Variants in UBTD1 observed in about 807,000 individuals in gnomAD.
UBTD1 encodes ubiquitin domain-containing protein 1.
In UBTD1, 19 loss-of-function variants were observed where a neutral mutation model predicts 21.7. That is an observed-to-expected ratio of 0.87 (90% confidence interval 0.61 to 1.28). The LOEUF (loss-of-function observed/expected upper bound fraction) is 1.28. Among genes scored for constraint, UBTD1 ranks in the 50% most tolerant of loss-of-function variants. The pLI, the probability that UBTD1 is intolerant of heterozygous loss-of-function variation, is 0.00. For synonymous variants in UBTD1, 116 were observed against 135.1 expected (o/e 0.86, Z 0.98); for missense variants, 282 against 315.1 (o/e 0.89, Z 0.80).
intron 1 of UBTD1, among the ~76,000 whole-genome samples, chr10:97,514,960 C>T (rs905040155): frequency 3.3e-5 from 5 of 152,200 alleles, no homozygotes; most frequent in Admixed American, 6.5e-5. Context: ...AGTCTGGCCT[C>T]GTGCATAGGA....
At chr10:97,504,051 C>A (rs546404561) in intron 1 of UBTD1, among the ~76,000 whole-genome samples, 5 of 152,202 alleles carry the variant, frequency 3.3e-5, no homozygotes, top group African/African-American at 1.2e-4. Flanking sequence ...TTCCGCTTGC[C>A]AAGGCCCCTA....
intron 1 of UBTD1, among the ~76,000 whole-genome samples, chr10:97,515,175 C>T (rs2040439032): frequency 6.6e-6 from 1 of 152,192 alleles, no homozygotes; most frequent in Admixed American, 6.5e-5. Context: ...TCTTTTTCTG[C>T]CTGCTCCTGC....
chr10:97,568,033 C>T lies in UBTD1; in HGVS notation c.190C>T (p.Arg64Cys), dbSNP rs201657638. The T allele has an allele frequency of 7.3e-5, 118 of 1,614,020 alleles. 1 individual carries two copies. The highest frequency in any genetic ancestry group is 1.3e-4 in the Admixed American group (8 of 60,026). The stretch of plus-strand genomic sequence containing the variant: ...GGACACAGCGCCTGCCTTCGAGGGC[C>T]GCAAGGAGATCTGGGATGCCCTCAA... ...FWDTAPAFEG[R>C]KEIWDALKAA... The change falls in exon 2 of 3, where the codon CGC (arginine) becomes TGC (cysteine). Residue 64 changes from arginine to cysteine, a missense_variant. By Grantham distance (180) the Arg-to-Cys change is radical. Transcript: ENST00000370664.
intron 1 of UBTD1, among the ~76,000 whole-genome samples, chr10:97,541,110 C>T (rs2040584980): frequency 6.6e-6 from 1 of 152,094 alleles, no homozygotes; most frequent in African/African-American, 2.4e-5. Flanking sequence ...CCTCAGTGTC[C>T]TCATCCGTAA....
intron 1 of UBTD1, among the ~76,000 whole-genome samples, chr10:97,531,755 T>C (rs11189266): frequency 0.2 from 29,913 of 151,994 alleles, 3,390 homozygotes; most frequent in East Asian, 0.49. Context: ...CGAGAAACTG[T>C]CTCGTGCCCT....
At chr10:97,557,033 G>T (rs1365543634) in intron 1 of UBTD1, among the ~76,000 whole-genome samples, 2 of 152,114 alleles carry the variant, frequency 1.3e-5, no homozygotes, top group Non-Finnish European at 2.9e-5. Context: ...AAATTGTCAG[G>T]GTGGTTCTTT....
chr10:97,536,812 T>A lies in UBTD1; in HGVS notation c.71-31102T>A, dbSNP rs565623954. On this transcript the variant is annotated intron_variant, in intron 1 of 2. Transcript: ENST00000370664. The stretch of plus-strand genomic sequence containing the variant: ...CCCCAAATTTGTTCCTTCCAAGCCT[T>A]CTGAATCTCCTTTATGCCACTTCCT... 1.7e-4 allele frequency among the ~76,000 whole-genome samples: 26 copies of A among 152,190 alleles called. No individual in the cohort carries two copies. The East Asian group carries it at 4.3e-3, about 25-fold the overall frequency.
At chr10:97,528,664 CG>C (rs1193214773) in intron 1 of UBTD1, among the ~76,000 whole-genome samples, 3 of 42,032 alleles carry the variant, frequency 7.1e-5, no homozygotes, top group Non-Finnish European at 9.7e-5. Context: ...GCTGGCCGGG[CG>C]GGGGGCTGAC....
chr10:97,518,036 G>A (rs1242481585), intron 1 of UBTD1, among the ~76,000 whole-genome samples: 2 of 152,150 alleles, frequency 1.3e-5, no homozygotes, highest in Non-Finnish European at 2.9e-5. Flanking sequence ...GAATGGTGTT[G>A]GCCTCCTTGG....
chr10:97,533,949 C>T (rs774710417), intron 1 of UBTD1, among the ~76,000 whole-genome samples: 1 of 151,984 alleles, frequency 6.6e-6, no homozygotes, highest in Admixed American at 6.6e-5. Flanking sequence ...AAATCTTAAG[C>T]CCTCATCAGA....
intron 1 of UBTD1, among the ~76,000 whole-genome samples, chr10:97,552,977 G>A (rs1458948857): frequency 2.0e-5 from 3 of 152,160 alleles, no homozygotes; most frequent in South Asian, 2.1e-4. Context: ...TATTTTCTTC[G>A]AATAAATTAT....
chr10:97,524,833 C>T (rs909464011), intron 1 of UBTD1, among the ~76,000 whole-genome samples: 2 of 152,142 alleles, frequency 1.3e-5, no homozygotes, highest in African/African-American at 2.4e-5. Context: ...GTCTGGGCTC[C>T]AGCCAGTGGA....
At chr10:97,507,792 A>AG (rs1345122150) in intron 1 of UBTD1, among the ~76,000 whole-genome samples, 3 of 151,226 alleles carry the variant, frequency 2.0e-5, no homozygotes, top group African/African-American at 7.3e-5. Flanking sequence ...AAAAAAAAAA[A>AG]AAAAAAAAGA....
At chr10:97,568,263 G>A in intron 2 of UBTD1, 122 bp downstream of exon 2, 2 of 992,452 alleles carry the variant, frequency 2.0e-6, no homozygotes, top group South Asian at 1.5e-5. Context: ...ATTCATTCAA[G>A]CACCCCTTAC....
At chr10:97,567,872 G>A in intron 1 of UBTD1, 42 bp from the exon 2 acceptor site, 2 of 1,604,008 alleles carry the variant, frequency 1.2e-6, no homozygotes, top group Non-Finnish European at 1.7e-6. Flanking sequence ...TGCAGCTCAA[G>A]TGGCTTTAGA....
At chr10:97,535,238 T>C (rs2040554522) in intron 1 of UBTD1, among the ~76,000 whole-genome samples, 1 of 152,178 alleles carries the variant, frequency 6.6e-6, no homozygotes, top group African/African-American at 2.4e-5. Context: ...GAACGGCTAG[T>C]TCCCATATGC....
At chr10:97,559,827 G>T (rs893578988) in intron 1 of UBTD1, among the ~76,000 whole-genome samples, 1 of 152,060 alleles carries the variant, frequency 6.6e-6, no homozygotes, top group African/African-American at 2.4e-5. Context: ...TTTACACACA[G>T]AATTTTCTTT....
At chr10:97,545,389 T>G (rs938871081) in intron 1 of UBTD1, among the ~76,000 whole-genome samples, 1 of 109,060 alleles carries the variant, frequency 9.2e-6, no homozygotes. Context: ...ATGGGGCTCG[T>G]GTGTGTGTGT....
intron 1 of UBTD1, among the ~76,000 whole-genome samples, chr10:97,533,551 C>G (rs943377772): frequency 2.0e-5 from 3 of 152,186 alleles, no homozygotes; most frequent in Admixed American, 6.5e-5. Context: ...GAGGCCTGAT[C>G]TGTCTGCCCT....
Sources: gnomAD v4.1 joint callset for allele counts (sites outside exome capture counted in the v4.1 genomes callset) on GRCh38, gnomAD v4.1.1 for gene constraint, MANE v1.5 for transcripts, NCBI Gene and HGNC (gene_info 2026-07-23, HGNC 2026-07-21) for gene names.